MACROH2A2: variants seen among roughly 807,000 people sequenced by gnomAD.
MACROH2A2 encodes the protein macroH2A.2 histone.
In MACROH2A2, 6 loss-of-function variants were observed where a neutral mutation model predicts 37.6. That is an observed-to-expected ratio of 0.16 (90% CI 0.09 to 0.32). The LOEUF is 0.32. Ranked by LOEUF, MACROH2A2 falls within the 10% of genes least tolerant of loss-of-function variation. The pLI, the probability that MACROH2A2 is intolerant of heterozygous loss-of-function variation, is 1.00. For synonymous variants in MACROH2A2, 192 were observed against 202.7 expected, an observed-to-expected ratio of 0.95 and a Z score of 0.45; for missense variants, 290 against 485.9, an observed-to-expected ratio of 0.60 and a Z score of 3.79.
chr10:70,095,980 G>C (rs529005254), intron 6 of MACROH2A2, among the ~76,000 whole-genome samples: 3 of 152,114 alleles, frequency 2.0e-5, no homozygotes, highest in Non-Finnish European at 4.4e-5. Context: ...CAAATCATTA[G>C]CATAGAGCTT....
intron 1 of MACROH2A2, among the ~76,000 whole-genome samples, chr10:70,066,276 C>T (rs190718932): frequency 1.6e-4 from 25 of 152,088 alleles, no homozygotes; most frequent in African/African-American, 5.1e-4. Flanking sequence ...TGCAGTGAGC[C>T]GTGATTATAC....
At chr10:70,093,262 C>A (rs1179201665) in intron 4 of MACROH2A2, among the ~76,000 whole-genome samples, 1 of 152,236 alleles carries the variant, frequency 6.6e-6, no homozygotes, top group Admixed American at 6.5e-5. Flanking sequence ...CACTCAGCAA[C>A]ATTATTGAGG....
At chr10:70,111,453 C>T (rs2072373923) in intron 8 of MACROH2A2, 65 bp from the exon 9 acceptor site, 3 of 1,428,072 alleles carry the variant, frequency 2.1e-6, no homozygotes, top group South Asian at 1.2e-5. Flanking sequence ...AAAACAAAGG[C>T]ACTTCATGCT....
intron 1 of MACROH2A2, among the ~76,000 whole-genome samples, chr10:70,057,620 T>C (rs1026850549): frequency 6.6e-6 from 1 of 152,180 alleles, no homozygotes; most frequent in African/African-American, 2.4e-5. Flanking sequence ...ATTACCCCTT[T>C]ACACACATAC....
chr10:70,072,690 C>G (rs1292063752), intron 1 of MACROH2A2, among the ~76,000 whole-genome samples: 2 of 152,100 alleles, frequency 1.3e-5, no homozygotes, highest in Non-Finnish European at 2.9e-5. Context: ...GGTGTGGTGG[C>G]TCACACCTGT....
Position 70,093,778 on chromosome 10 carries a change from C to G in MACROH2A2, c.521C>G (p.Thr174Ser). 1.2e-6 allele frequency: 2 copies of G among 1,612,118 alleles called. No individual in the cohort carries two copies. ...DSDKEGTSNS[T>S]SEDGPGDGFT... ...GATAAAGAAGGAACTTCAAATTCCA[C>G]CTCTGAAGATGGGCCAGGGGATGGA... Residue 174 changes from threonine to serine, a missense_variant, in exon 5 of 9, where the codon ACC becomes AGC. This residue lies in a region of MACROH2A2 where 77 missense variants were observed against 68.9 expected (regional missense o/e 1.12). Transcript: ENST00000373255.
In MACROH2A2 at chr10:70,111,943, T is replaced by C. The variant is rs2072379024; in HGVS notation, c.*260T>C. The C allele has an allele frequency of 3.3e-6, 1 of 300,258 alleles. No homozygotes were observed. Among genetic ancestry groups the C allele is most frequent in the Non-Finnish European group, 6.1e-6 (1 of 163,812 alleles). 18.6% of individuals were successfully genotyped at this position (300,258 alleles called of 1,614,324 possible). A position where few individuals can be genotyped will look rare whatever the true frequency, so the allele number is the denominator to read the frequency against. ...AACTTTTTTAAAAAAACAGACCTCG[T>C]TTTAGATTTATAGCATTGACTTTTA... On this transcript the variant is annotated 3_prime_UTR_variant, in exon 9 of 9. Transcript: ENST00000373255.
chr10:70,066,163 A>AC (rs1209818515), intron 1 of MACROH2A2, among the ~76,000 whole-genome samples: 1 of 151,804 alleles, frequency 6.6e-6, no homozygotes, highest in Non-Finnish European at 1.5e-5. Context: ...ACATAGTGAG[A>AC]CCCCATCTCT....
chr10:70,090,001 A>G, intron 2 of MACROH2A2, 59 bp from the exon 3 acceptor site: 1 of 1,042,482 alleles, frequency 9.6e-7, no homozygotes, highest in Non-Finnish European at 1.5e-6. Flanking sequence ...TTTCTAAAGA[A>G]AAGCTTTAGC....
chr10:70,070,174 G>T (rs1035539683), intron 1 of MACROH2A2, among the ~76,000 whole-genome samples: 4 of 152,034 alleles, frequency 2.6e-5, no homozygotes, highest in Non-Finnish European at 5.9e-5. Context: ...CTTAAATTCC[G>T]CACAAGACCT....
intron 4 of MACROH2A2, among the ~76,000 whole-genome samples, chr10:70,092,725 G>C (rs977727367): frequency 2.6e-5 from 4 of 152,184 alleles, no homozygotes; most frequent in Non-Finnish European, 4.4e-5. Context: ...ATGGTTTTCA[G>C]ATCCCTTTTA....
Position 70,053,345 on chromosome 10 carries a change from G to A in MACROH2A2, c.-60+345G>A, listed in dbSNP as rs2071987609. ...CGAGGCTGGACCCGGAGGAAGCGGAGGTCTCCTGGGAATGCGGAGTTTCGG... is the reference window on the plus strand; with the variant it reads ...CGAGGCTGGACCCGGAGGAAGCGGAAGTCTCCTGGGAATGCGGAGTTTCGG... On this transcript the variant is annotated intron_variant, in intron 1 of 8. Transcript: ENST00000373255. The surrounding 1 kb of genome is among the most constrained non-coding windows in gnomAD (Gnocchi z 4.8). 6.6e-6 allele frequency among the ~76,000 whole-genome samples: 1 copy of A among 152,072 alleles called. No individual in the cohort carries two copies. The highest frequency in any genetic ancestry group is 1.5e-5 in the Non-Finnish European group (1 of 67,968).
rs1457430847 is a variant in MACROH2A2 at position 70,066,289 on chromosome 10, C to T, written c.-59-9311C>T. On this transcript the variant is annotated intron_variant, in intron 1 of 8. Coordinates refer to ENST00000373255, the MANE Select transcript of MACROH2A2 (RefSeq NM_018649.3). ...GCTGCAGTGAGCCGTGATTATACCACTGCACTCCAGCCTGGGTGACAGAGC... is the reference window on the plus strand; with the variant it reads ...GCTGCAGTGAGCCGTGATTATACCATTGCACTCCAGCCTGGGTGACAGAGC... Among the ~76,000 whole-genome samples the T allele has an allele frequency of 2.4e-4, 37 of 152,178 alleles. 1 individual carries two copies.
At chr10:70,087,027 C>CA (rs928345685) in intron 2 of MACROH2A2, among the ~76,000 whole-genome samples, 3 of 151,936 alleles carry the variant, frequency 2.0e-5, no homozygotes, top group Admixed American at 6.6e-5. Context: ...CCTGTCTCTA[C>CA]AAAAAAATTA....
Position 70,087,239 on chromosome 10 carries a change from T to C in MACROH2A2, c.173-2821T>C, listed in dbSNP as rs12250361. On this transcript the variant is annotated intron_variant, in intron 2 of 8. Coordinates refer to ENST00000373255, the MANE Select transcript of MACROH2A2 (RefSeq NM_018649.3). ...ATTCCATTTTCTTTTCTTTCTTCTTTTTTTTTTTTTTTTAAACAGAATCTC... is the reference window on the plus strand; with the variant it reads ...ATTCCATTTTCTTTTCTTTCTTCTTCTTTTTTTTTTTTTAAACAGAATCTC... Among the ~76,000 whole-genome samples, 318 of 149,526 alleles carry C rather than the reference T, an allele frequency of 2.1e-3. 2 individuals carry two copies. The highest frequency in any genetic ancestry group is 7.3e-3 in the African/African-American group (301 of 41,012).
rs951592643 is a variant in MACROH2A2 at position 70,053,281 on chromosome 10, G to A, written c.-60+281G>A. 6.6e-6 allele frequency among the ~76,000 whole-genome samples: 1 copy of A among 152,096 alleles called. No homozygotes were observed. Among genetic ancestry groups the A allele is most frequent in the Non-Finnish European group, 1.5e-5 (1 of 67,980 alleles). ...GGGGGCGTCGAGGGTACTGAGAGGG[G>A]AAGGAGGAGGGATGCGAGGTTCAGC... On this transcript the variant is annotated intron_variant, in intron 1 of 8. Coordinates refer to ENST00000373255, the MANE Select transcript of MACROH2A2 (RefSeq NM_018649.3). The surrounding 1 kb of genome is among the most constrained non-coding windows in gnomAD (Gnocchi z 4.8).
In MACROH2A2 at chr10:70,075,257, A is replaced by G. The variant is rs2136625039; in HGVS notation, c.-59-343A>G. ...ATCTGCAAAGTCTCTGTCATATAAGATAACAGTCACAGGTTCTGGGGATGA... is the reference window on the plus strand; with the variant it reads ...ATCTGCAAAGTCTCTGTCATATAAGGTAACAGTCACAGGTTCTGGGGATGA... On this transcript the variant is annotated intron_variant, in intron 1 of 8. Coordinates refer to ENST00000373255, the MANE Select transcript of MACROH2A2 (RefSeq NM_018649.3). This position sits in a 1 kb window ranked among gnomAD's most constrained non-coding sequence, Gnocchi z 5.0. 1.3e-5 allele frequency among the ~76,000 whole-genome samples: 2 copies of G among 152,334 alleles called. 1 individual carries two copies. Among genetic ancestry groups the G allele is most frequent in the South Asian group, 4.1e-4 (2 of 4,828 alleles).
At chr10:70,085,913 C>T (rs911990188) in intron 2 of MACROH2A2, among the ~76,000 whole-genome samples, 36 of 152,104 alleles carry the variant, frequency 2.4e-4, no homozygotes, top group Admixed American at 6.5e-5. Context: ...ATGTAACAAA[C>T]TTTTATAGTT....
chr10:70,065,728 G>A (rs189836414), intron 1 of MACROH2A2, among the ~76,000 whole-genome samples: 2 of 152,156 alleles, frequency 1.3e-5, no homozygotes. Context: ...TCCAATACCT[G>A]GTTTACAGGA....
Sources: allele counts gnomAD v4.1 joint callset (sites outside exome capture counted in the v4.1 genomes callset), GRCh38; gene constraint gnomAD v4.1.1; regional missense constraint gnomAD v4.1.1; non-coding constraint Gnocchi (gnomAD v3.1); transcripts MANE v1.5; gene names NCBI Gene and HGNC (gene_info 2026-07-23, HGNC 2026-07-21).